Variants in ANO2 observed in about 807,000 individuals in gnomAD.
The protein encoded by ANO2 is anoctamin 2, also known as anoctamin-2.
Under a neutral mutation model 124.2 loss-of-function variants are expected in ANO2, and 101 were observed. The ratio of observed to expected loss-of-function variants is 0.81; its 90% confidence interval spans 0.69 to 0.96. The LOEUF is 0.96. ANO2 is among the 40% of genes least tolerant of loss of function. The pLI is 0.00. For missense variants in ANO2, 1,293 were observed against 1,274.5 expected, an observed-to-expected ratio of 1.01 and a Z score of -0.22; for synonymous variants, 486 against 482.5, an observed-to-expected ratio of 1.01 and a Z score of -0.09.
At chr12:5,934,329 T>C (rs910070217) in intron 1 of ANO2, among the ~76,000 whole-genome samples, 3 of 152,176 alleles carry the variant, frequency 2.0e-5, no homozygotes, top group African/African-American at 7.2e-5. Context: ...ACTTGGTAAA[T>C]CCCTTCCTGG....
intron 1 of ANO2, among the ~76,000 whole-genome samples, chr12:5,937,988 C>A (rs373730823): frequency 3.9e-5 from 6 of 152,184 alleles, no homozygotes; most frequent in East Asian, 1.9e-4. Flanking sequence ...CAACATCTCC[C>A]AGTACCGTTC....
At chr12:5,628,332 T>G (rs1156840687) in intron 16 of ANO2, among the ~76,000 whole-genome samples, 1 of 152,210 alleles carries the variant, frequency 6.6e-6, no homozygotes, top group Non-Finnish European at 1.5e-5. Flanking sequence ...CCTCTTGTCA[T>G]TCACATATGT....
chr12:5,809,754 G>A (rs73255118), intron 7 of ANO2, among the ~76,000 whole-genome samples: 5,970 of 152,246 alleles, frequency 0.039, 158 homozygotes, highest in African/African-American at 0.072. Context: ...GACAAGGTTT[G>A]CTCATTGTTT....
rs1324816530 is a variant in ANO2, at chr12:5,904,812, A to G, written c.534+16228T>C. On this transcript the variant is annotated intron_variant, in intron 3 of 24. Transcript: ENST00000682330. This position sits in a 1 kb window ranked among gnomAD's most constrained non-coding sequence, Gnocchi z 4.1. ...TGATTCTCACCACAAACACAGCCCA[A>G]GGGTAATTAAAAGGTATCTGCAGGG... Among the ~76,000 whole-genome samples the G allele has an allele frequency of 1.3e-5, 2 of 152,090 alleles. No individual in the cohort carries two copies. Among genetic ancestry groups the G allele is most frequent in the African/African-American group, 4.8e-5 (2 of 41,414 alleles).
intron 10 of ANO2, among the ~76,000 whole-genome samples, chr12:5,760,672 C>T (rs1951713382): frequency 6.6e-6 from 1 of 152,122 alleles, no homozygotes; most frequent in Non-Finnish European, 1.5e-5. Flanking sequence ...CCTTTATCTC[C>T]AATTCCCTGT....
chr12:5,642,367 G>T (rs1361514759), intron 15 of ANO2, among the ~76,000 whole-genome samples: 1 of 152,164 alleles, frequency 6.6e-6, no homozygotes, highest in Non-Finnish European at 1.5e-5. Context: ...TATGCATCAG[G>T]AGGGCAACTG....
chr12:5,650,298 T>A (rs965378920), intron 14 of ANO2, among the ~76,000 whole-genome samples: 16 of 152,170 alleles, frequency 1.1e-4, no homozygotes, highest in African/African-American at 3.9e-4. Flanking sequence ...GAGACATAAC[T>A]AAAAAGCAAC....
intron 20 of ANO2, among the ~76,000 whole-genome samples, chr12:5,591,864 C>T (rs1943409633): frequency 6.6e-6 from 1 of 152,088 alleles, no homozygotes; most frequent in African/African-American, 2.4e-5. Context: ...CACAGCGCTG[C>T]CCCGGGGGAG....
chr12:5,823,940 G>A (rs1196037282), intron 7 of ANO2, among the ~76,000 whole-genome samples: 1 of 152,222 alleles, frequency 6.6e-6, no homozygotes, highest in African/African-American at 2.4e-5. Context: ...GCCAAGGCTT[G>A]GGGCTTCCGT....
At chr12:5,671,550 C>G (rs534047177) in intron 14 of ANO2, among the ~76,000 whole-genome samples, 1 of 151,746 alleles carries the variant, frequency 6.6e-6, no homozygotes, top group Non-Finnish European at 1.5e-5. Context: ...CATCTCAGGG[C>G]AGAGGGGGCA....
Position 5,769,843 on chromosome 12 carries a change from C to T in ANO2, c.1056-18873G>A, listed in dbSNP as rs1952017656. ...ACAAATGGCTTGTGAAGGGTCCTTT[C>T]CCTGGGTATTATACACAGCCCCACC... On this transcript the variant is annotated intron_variant, in intron 10 of 24. Coordinates refer to ENST00000682330, the MANE Select transcript of ANO2 (RefSeq NM_001364791.2). This position sits in a 1 kb window ranked among gnomAD's most constrained non-coding sequence, Gnocchi z 4.0. 6.6e-6 allele frequency among the ~76,000 whole-genome samples: 1 copy of T among 152,144 alleles called. No homozygotes were observed. Among genetic ancestry groups the T allele is most frequent in the Non-Finnish European group, 1.5e-5 (1 of 68,028 alleles).
chr12:5,647,864 T>C (rs1177680077), intron 14 of ANO2, 63 bp from the exon 15 acceptor site: 1 of 1,228,268 alleles, frequency 8.1e-7, no homozygotes, highest in Non-Finnish European at 1.2e-6. Context: ...TAATTTGCTC[T>C]CATTTGCATA....
intron 1 of ANO2, among the ~76,000 whole-genome samples, chr12:5,938,997 T>C (rs1203987074): frequency 6.6e-6 from 1 of 151,282 alleles, no homozygotes; most frequent in Middle Eastern, 3.2e-3. Context: ...GGCAGGCGGA[T>C]GATGAGGTCA....
chr12:5,788,336 T>C (rs1018383813), intron 10 of ANO2, among the ~76,000 whole-genome samples: 24 of 152,208 alleles, frequency 1.6e-4, no homozygotes, highest in African/African-American at 5.1e-4. Context: ...GCAACATCAA[T>C]GTAATAACAG....
chr12:5,720,842 G>T, intron 14 of ANO2, among the ~76,000 whole-genome samples: 1 of 152,158 alleles, frequency 6.6e-6, no homozygotes, highest in East Asian at 1.9e-4. Flanking sequence ...TTTAGACCCT[G>T]GCCAGTAGAA....
chr12:5,576,067 A>C (rs1591651189), intron 22 of ANO2, 52 bp from the exon 23 acceptor site: 1 of 1,509,342 alleles, frequency 6.6e-7, no homozygotes, highest in Non-Finnish European at 8.9e-7. Flanking sequence ...GCTAAAAAGG[A>C]CTGTCCACTC....
intron 10 of ANO2, among the ~76,000 whole-genome samples, chr12:5,797,086 C>A (rs887577257): frequency 6.6e-6 from 1 of 152,224 alleles, no homozygotes. Flanking sequence ...CGTCACTCTT[C>A]CAGCACAGAC....
intron 15 of ANO2, among the ~76,000 whole-genome samples, chr12:5,640,245 C>T (rs1946268354): frequency 6.6e-6 from 1 of 152,198 alleles, no homozygotes; most frequent in Admixed American, 6.5e-5. Context: ...CTGGCATCTT[C>T]TGCCTAGGTT....
chr12:5,853,934 G>T, intron 4 of ANO2, 109 bp downstream of exon 4: 1 of 331,378 alleles, frequency 3.0e-6, no homozygotes, highest in Non-Finnish European at 5.0e-6. Context: ...GGGGAAGCAA[G>T]TGTGATTTCA....
Sources: gnomAD v4.1 joint callset for allele counts (sites outside exome capture counted in the v4.1 genomes callset) on GRCh38, gnomAD v4.1.1 for gene constraint, Gnocchi (gnomAD v3.1) non-coding constraint, MANE v1.5 for transcripts, NCBI Gene and HGNC (gene_info 2026-07-23, HGNC 2026-07-21) for gene names.